Variants in WLS observed in about 807,000 individuals in gnomAD.
The protein encoded by WLS is protein wntless homolog.
WLS carries 23 observed loss-of-function variants against 62.8 expected under a neutral mutation model. That is an observed-to-expected ratio of 0.37 (90% confidence interval 0.26 to 0.52). WLS has a LOEUF of 0.52. WLS is among the 20% of genes least tolerant of loss of function. WLS has a pLI of 0.92. For missense variants in WLS, 615 were observed against 697.3 expected, an observed-to-expected ratio of 0.88 and a Z score of 1.33; for synonymous variants, 246 against 244.1, an observed-to-expected ratio of 1.01 and a Z score of -0.07.
chr1:68,177,049 T>C (rs998605246), intron 2 of WLS, among the ~76,000 whole-genome samples: 1 of 152,232 alleles, frequency 6.6e-6, no homozygotes, highest in Non-Finnish European at 1.5e-5. Flanking sequence ...CATCTTAATA[T>C]TCTTCCATTT....
chr1:68,198,900 G>A (rs1174328252), intron 1 of WLS, among the ~76,000 whole-genome samples: 3 of 152,100 alleles, frequency 2.0e-5, no homozygotes, highest in Non-Finnish European at 4.4e-5. Flanking sequence ...ACTTCTTTTG[G>A]AAGAATATTC....
rs76273218 is a variant in WLS, at chr1:68,148,472, C to G, written c.1070+91G>C. The G allele has an allele frequency of 7.5e-4, 1,027 of 1,374,536 alleles. 7 individuals carry two copies. The African/African-American group carries it at 0.012, about 16-fold the overall frequency. 85.1% of individuals were successfully genotyped at this position (1,374,536 alleles called of 1,614,324 possible). ...CTTCCAAACCAAAGGTTCCCGACCACCATTCTCCTTTTCAAACACTCCTCC... is the reference window on the plus strand; with the variant it reads ...CTTCCAAACCAAAGGTTCCCGACCAGCATTCTCCTTTTCAAACACTCCTCC... On this transcript the variant is annotated intron_variant, in intron 7 of 11. Coordinates refer to ENST00000262348, the MANE Select transcript of WLS (RefSeq NM_024911.7).
intron 2 of WLS, among the ~76,000 whole-genome samples, chr1:68,164,591 A>G (rs1268852732): frequency 1.3e-5 from 2 of 152,142 alleles, no homozygotes; most frequent in Admixed American, 6.5e-5. Context: ...AAATACATGA[A>G]GTAGGGTTTC....
At position 68,190,051 on chromosome 1, in the gene WLS, G is replaced by GTTTTACATAAACTAATTTATTCCTTA. The variant is rs534578311; in HGVS notation, c.379+3878_379+3903dup. Among the ~76,000 whole-genome samples, 423 of 152,278 alleles carry GTTTTACATAAACTAATTTATTCCTTA rather than the reference G, an allele frequency of 2.8e-3. 8 individuals carry two copies. The highest frequency in any genetic ancestry group is 9.4e-3 in the African/African-American group (389 of 41,550). Reference sequence around the variant, plus strand: ...AATAAGTACTTACTATGTCCTAAAAGTTTTACATAAACTAATTTATTCCTT... The same window carrying GTTTTACATAAACTAATTTATTCCTTA: ...AATAAGTACTTACTATGTCCTAAAAGTTTTACATAAACTAATTTATTCCTTATTTTACATAAACTAATTTATTCCTT... On this transcript the variant is annotated intron_variant, in intron 2 of 11. Coordinates refer to ENST00000262348, the MANE Select transcript of WLS (RefSeq NM_024911.7).
intron 8 of WLS, 133 bp downstream of exon 8, chr1:68,148,003 G>T (rs1646774517): frequency 1.1e-6 from 1 of 941,226 alleles, no homozygotes; most frequent in South Asian, 1.5e-5. Flanking sequence ...TAATTGTGCT[G>T]TTATGATTGG....
Position 68,175,466 on chromosome 1 carries a change from C to T in WLS, c.380-16219G>A, listed in dbSNP as rs146792678. Among the ~76,000 whole-genome samples, 609 of 152,338 alleles carry T rather than the reference C, an allele frequency of 4.0e-3. 5 individuals are homozygous for T. The highest frequency in any genetic ancestry group is 0.014 in the African/African-American group (580 of 41,562). ...CCCGCTTCTTGCTCTAAAAAGGCCA[C>T]TATTTAGCCAAACAATTTGAGTAAG... is the stretch of plus-strand genomic sequence containing the variant. On this transcript the variant is annotated intron_variant, in intron 2 of 11. Transcript: ENST00000262348.
At chr1:68,163,887 C>T (rs1170265687) in intron 2 of WLS, among the ~76,000 whole-genome samples, 1 of 152,128 alleles carries the variant, frequency 6.6e-6, no homozygotes, top group East Asian at 1.9e-4. Flanking sequence ...TAAACCTGAA[C>T]ACATACAAAT....
intron 2 of WLS, among the ~76,000 whole-genome samples, chr1:68,187,340 T>C (rs1292054346): frequency 1.3e-5 from 2 of 152,088 alleles, no homozygotes; most frequent in Non-Finnish European, 2.9e-5. Flanking sequence ...CTTGTTAACT[T>C]TTTAGTATGC....
intron 3 of WLS, among the ~76,000 whole-genome samples, chr1:68,156,500 G>GCAGTAAAC (rs1388329225): frequency 6.6e-6 from 1 of 152,116 alleles, no homozygotes; most frequent in Non-Finnish European, 1.5e-5. Context: ...AGCTTAGAAT[G>GCAGTAAAC]CAGTAAACAG....
chr1:68,194,293 T>G lies in WLS; in HGVS notation c.107-66A>C, dbSNP rs1380391429. ...TTGAAACTACTGTTTCTGGTTAATA[T>G]TCTTTCCACTGCTGTGTTCCCTCCA... On this transcript the variant is annotated intron_variant, in intron 1 of 11. Coordinates refer to ENST00000262348, the MANE Select transcript of WLS (RefSeq NM_024911.7). The G allele has an allele frequency of 3.2e-6, 5 of 1,556,730 alleles. No individual in the cohort carries two copies. In the African/African-American group the frequency reaches 6.8e-5, roughly 21 times the overall value.
chr1:68,164,942 TG>T (rs1234818754), intron 2 of WLS, among the ~76,000 whole-genome samples: 1 of 152,190 alleles, frequency 6.6e-6, no homozygotes, highest in East Asian at 1.9e-4. Flanking sequence ...TGTTCAGAGT[TG>T]GTATCTCCCC....
intron 2 of WLS, chr1:68,162,105 C>T: frequency 1.9e-6 from 3 of 1,559,962 alleles, no homozygotes; most frequent in Non-Finnish European, 1.8e-6. Flanking sequence ...TCTCCAGTGA[C>T]GCCTGCTTGC....
At chr1:68,150,677 A>G (rs1646813711) in intron 5 of WLS, among the ~76,000 whole-genome samples, 1 of 152,198 alleles carries the variant, frequency 6.6e-6, no homozygotes. Context: ...CAGTGAGTAC[A>G]ATTGTCCTCT....
intron 11 of WLS, 25 bp downstream of exon 11, chr1:68,137,755 C>T (rs370965179): frequency 1.6e-5 from 25 of 1,605,550 alleles, no homozygotes; most frequent in Non-Finnish European, 2.1e-5. Context: ...CTGACTTAAG[C>T]TGTTCTAAAG....
chr1:68,210,962 A>G (rs903831954), intron 1 of WLS, among the ~76,000 whole-genome samples: 1 of 152,156 alleles, frequency 6.6e-6, no homozygotes, highest in Non-Finnish European at 1.5e-5. Context: ...TCCAACCCTC[A>G]GACACTCTGA....
At chr1:68,102,427 C>T (rs983918704) in intron 11 of WLS, among the ~76,000 whole-genome samples, 18 of 152,122 alleles carry the variant, frequency 1.2e-4, no homozygotes, top group Non-Finnish European at 2.2e-4. Context: ...GTTGATGTCT[C>T]TCTTCTTGCT....
intron 4 of WLS, among the ~76,000 whole-genome samples, chr1:68,153,865 G>A (rs1646860779): frequency 1.3e-5 from 2 of 152,138 alleles, no homozygotes; most frequent in Non-Finnish European, 2.9e-5. Context: ...CCTGTGCTAT[G>A]GACCTGAGAC....
chr1:68,099,073 T>C (rs1646044652), intron 11 of WLS, among the ~76,000 whole-genome samples: 1 of 152,170 alleles, frequency 6.6e-6, no homozygotes, highest in South Asian at 2.1e-4. Context: ...CATCTTAAGA[T>C]AGAACTGCCC....
intron 2 of WLS, chr1:68,162,655 T>C: frequency 8.1e-7 from 1 of 1,239,204 alleles, no homozygotes; most frequent in Non-Finnish European, 1.2e-6. Flanking sequence ...GTTCCTCTGG[T>C]ACAGATTGAG....
Sources: gnomAD v4.1 joint callset for allele counts (sites outside exome capture counted in the v4.1 genomes callset) on GRCh38, gnomAD v4.1.1 for gene constraint, MANE v1.5 for transcripts, NCBI Gene and HGNC (gene_info 2026-07-23, HGNC 2026-07-21) for gene names.